The following MBOAT1 variants were observed in gnomAD, a reference collection of about 807,000 sequenced individuals.
MBOAT1 encodes the protein membrane bound glycerophospholipid O-acyltransferase 1.
In MBOAT1, 67 loss-of-function variants were observed where a neutral mutation model predicts 64.4. The observed-to-expected ratio is 1.04, with a 90% CI of 0.85 to 1.27. The LOEUF (loss-of-function observed/expected upper bound fraction) is 1.27, where lower values mean the gene tolerates loss of function less well. MBOAT1 is among the 50% of genes most tolerant of loss of function. The pLI, the probability that MBOAT1 is intolerant of heterozygous loss-of-function variation, is 0.00. For synonymous variants in MBOAT1, 229 were observed against 218.9 expected (o/e 1.05, Z -0.41); for missense variants, 563 against 604.6 (o/e 0.93, Z 0.72).
chr6:20,135,466 CA>C (rs1760959596), intron 4 of MBOAT1, among the ~76,000 whole-genome samples: 1 of 152,046 alleles, frequency 6.6e-6, no homozygotes, highest in Non-Finnish European at 1.5e-5. Flanking sequence ...AGCTCCTAAC[CA>C]AAAATAATTT....
chr6:20,171,973 C>T (rs946609251), intron 1 of MBOAT1, among the ~76,000 whole-genome samples: 1 of 152,044 alleles, frequency 6.6e-6, no homozygotes, highest in African/African-American at 2.4e-5. Context: ...TTCAAGGCAG[C>T]TGTGAGCTAT....
At chr6:20,181,792 T>C (rs546707385) in intron 1 of MBOAT1, among the ~76,000 whole-genome samples, 1 of 152,302 alleles carries the variant, frequency 6.6e-6, no homozygotes, top group African/African-American at 2.4e-5. Context: ...TGTTTCCCAA[T>C]ATACAGCACT....
intron 1 of MBOAT1, among the ~76,000 whole-genome samples, chr6:20,175,785 G>A (rs1434703635): frequency 6.6e-6 from 1 of 151,140 alleles, no homozygotes; most frequent in African/African-American, 2.4e-5. Context: ...TTATTTTTTT[G>A]TAGAGACTGG....
chr6:20,126,677 T>C lies in MBOAT1; in HGVS notation c.554A>G (p.Tyr185Cys), dbSNP rs1230678873. 8 of 1,610,436 alleles carry C rather than the reference T, an allele frequency of 5.0e-6. No individual in the cohort carries two copies. Among genetic ancestry groups the C allele is most frequent in the Non-Finnish European group, 6.8e-6 (8 of 1,178,946 alleles). The change falls in exon 7 of 13, where the codon TAC becomes TGC. Residue 185 changes from tyrosine (Y) to cysteine (C), a missense_variant. Physicochemically the swap from Tyr to Cys is radical, Grantham distance 194. Transcript: ENST00000324607. ...CATGAAATTGAGAAGGTAACTTAAG[T>C]ATTCCAAAAAAGAGGGTTTCACTCT... is the stretch of plus-strand genomic sequence containing the variant. ...AIKVKPSFLE[Y>C]LSYLLNFMSV...
chr6:20,179,520 G>C (rs1164548798), intron 1 of MBOAT1, among the ~76,000 whole-genome samples: 2 of 152,178 alleles, frequency 1.3e-5, no homozygotes. Flanking sequence ...GTATTCCATG[G>C]TGTATATGTA....
Position 20,131,193 on chromosome 6 carries a change from C to T in MBOAT1, c.426G>A (p.Leu142=), listed in dbSNP as rs142586115. 8.9e-5 allele frequency: 143 copies of T among 1,613,780 alleles called. No homozygotes were observed. Among genetic ancestry groups the T allele is most frequent in the Non-Finnish European group, 1.2e-4 (136 of 1,179,722 alleles). The stretch of plus-strand genomic sequence containing the variant: ...TTGTGATCTTCTGAGTGACAATCAT[C>T]AGAGGCCTGGAAGGAAGACAGAAAA... ...GILTTDFSGP[L]MIVTQKITTL... The change falls in exon 5 of 13, where the codon CTG becomes CTA. Residue 142 remains leucine, a synonymous_variant. Transcript: ENST00000324607.
intron 1 of MBOAT1, among the ~76,000 whole-genome samples, chr6:20,204,999 C>A (rs184616404): frequency 6.4e-4 from 97 of 152,212 alleles, no homozygotes; most frequent in Admixed American, 2.1e-3. Context: ...GAGTTTAAGA[C>A]CAGCCTGAGC....
intron 4 of MBOAT1, 80 bp from the exon 5 acceptor site, chr6:20,131,279 T>A (rs1760821342): frequency 8.0e-7 from 1 of 1,246,626 alleles, no homozygotes; most frequent in Non-Finnish European, 1.2e-6. Context: ...CCAAATCTCA[T>A]CTTGAATTGT....
intron 1 of MBOAT1, among the ~76,000 whole-genome samples, chr6:20,190,573 T>C (rs1235990511): frequency 6.6e-6 from 1 of 152,214 alleles, no homozygotes; most frequent in Non-Finnish European, 1.5e-5. Flanking sequence ...CTTTTCAATG[T>C]GGCCTCATTT....
chr6:20,211,351 C>A (rs1456806118), intron 1 of MBOAT1, among the ~76,000 whole-genome samples: 1 of 152,212 alleles, frequency 6.6e-6, no homozygotes, highest in East Asian at 1.9e-4. Flanking sequence ...TCAACATTTA[C>A]TGATTGGGTC....
intron 3 of MBOAT1, 71 bp downstream of exon 3, chr6:20,151,114 C>T (rs1761479326): frequency 2.6e-6 from 3 of 1,144,008 alleles, no homozygotes; most frequent in East Asian, 4.8e-5. Context: ...CATCTTTACA[C>T]TGGAAATATA....
chr6:20,171,794 G>A (rs1762206020), intron 1 of MBOAT1, among the ~76,000 whole-genome samples: 1 of 152,116 alleles, frequency 6.6e-6, no homozygotes, highest in African/African-American at 2.4e-5. Context: ...ACTACTTTGG[G>A]AGGCCAAGGC....
At chr6:20,102,493 A>G in intron 12 of MBOAT1, 81 bp from the exon 13 acceptor site, 5 of 1,227,062 alleles carry the variant, frequency 4.1e-6, no homozygotes, top group Non-Finnish European at 5.7e-6. Flanking sequence ...CACCTACAGT[A>G]TGACAAGTGA....
chr6:20,146,745 A>G (rs924445558), intron 3 of MBOAT1, among the ~76,000 whole-genome samples: 1 of 152,176 alleles, frequency 6.6e-6, no homozygotes, highest in Non-Finnish European at 1.5e-5. Context: ...AGCAAGTTCA[A>G]CTCAATTTAG....
chr6:20,139,383 T>C (rs1049774743), intron 4 of MBOAT1, among the ~76,000 whole-genome samples: 1 of 150,132 alleles, frequency 6.7e-6, no homozygotes, highest in Non-Finnish European at 1.5e-5. Context: ...AGATTACAAC[T>C]GTGAGCAACG....
At chr6:20,140,025 C>G (rs923518582) in intron 4 of MBOAT1, among the ~76,000 whole-genome samples, 3 of 152,114 alleles carry the variant, frequency 2.0e-5, no homozygotes, top group African/African-American at 7.2e-5. Flanking sequence ...CCTTGGAGTG[C>G]AGATCTGCTG....
In MBOAT1 at chr6:20,151,011, C is replaced by G. The variant is rs534080239; in HGVS notation, c.323+174G>C. On this transcript the variant is annotated intron_variant, in intron 3 of 12. Coordinates refer to ENST00000324607, the MANE Select transcript of MBOAT1 (RefSeq NM_001080480.3). ...ATTTGCATTGATCTTTTTCATAAAG[C>G]CTTCTCTGAAGACTCCAGCCTTTAG... Among the ~76,000 whole-genome samples the G allele has an allele frequency of 1.2e-4, 18 of 152,250 alleles. 1 individual carries two copies. The highest frequency in any genetic ancestry group is 3.4e-3 in the Middle Eastern group (1 of 294).
chr6:20,198,443 T>G (rs137869177), intron 1 of MBOAT1, among the ~76,000 whole-genome samples: 189 of 152,258 alleles, frequency 1.2e-3, no homozygotes, highest in African/African-American at 4.3e-3. Context: ...TACAAGACCC[T>G]CTTCAGGAAA....
At chr6:20,128,555 CA>C in intron 6 of MBOAT1, 143 bp downstream of exon 6, 1 of 589,758 alleles carries the variant, frequency 1.7e-6, no homozygotes, top group Non-Finnish European at 2.9e-6. Flanking sequence ...GGTAACAATG[CA>C]CATGTCCATC....
Sources: allele counts gnomAD v4.1 joint callset (sites outside exome capture counted in the v4.1 genomes callset), GRCh38; gene constraint gnomAD v4.1.1; transcripts MANE v1.5; gene names NCBI Gene and HGNC (gene_info 2026-07-23, HGNC 2026-07-21).